Variants in PTPRD observed in about 807,000 individuals in gnomAD.
PTPRD encodes protein tyrosine phosphatase receptor type D.
A neutral mutation model predicts 214.5 loss-of-function variants in PTPRD; 34 were observed. The observed-to-expected ratio is 0.16, with a 90% confidence interval of 0.12 to 0.21. The LOEUF (loss-of-function observed/expected upper bound fraction) is 0.21, where lower values mean the gene tolerates loss of function less well. PTPRD is among the 10% of genes least tolerant of loss of function. PTPRD has a pLI of 1.00. For missense variants in PTPRD, 2,545 were observed against 2,398.7 expected (o/e 1.06, Z -1.27); for synonymous variants, 1,128 against 845.7 (o/e 1.33, Z -5.79).
intron 8 of PTPRD, among the ~76,000 whole-genome samples, chr9:9,440,674 T>C (rs1306629920): frequency 6.6e-6 from 1 of 152,228 alleles, no homozygotes; most frequent in Admixed American, 6.5e-5. Flanking sequence ...CAAAATTCTG[T>C]CTTCAAGAAA....
In PTPRD at chr9:10,011,887, G is replaced by C. The variant is rs542062712; in HGVS notation, c.-472+21831C>G. Among the ~76,000 whole-genome samples the C allele has an allele frequency of 1.6e-4, 25 of 152,074 alleles. 1 individual carries two copies. In the South Asian group the frequency reaches 5.0e-3, roughly 30 times the overall value. On this transcript the variant is annotated intron_variant, in intron 4 of 45. Transcript: ENST00000381196. ...TCAGTTTTGGAGGTAAGGATGCAGA[G>C]ACAGTGGGGATAAACCTTCATAGAG... is the stretch of plus-strand genomic sequence containing the variant.
chr9:8,539,679 A>T (rs1202986685), intron 14 of PTPRD, among the ~76,000 whole-genome samples: 1 of 152,012 alleles, frequency 6.6e-6, no homozygotes, highest in Non-Finnish European at 1.5e-5. Context: ...AAAGAGTCAC[A>T]ACCTAAATAT....
intron 10 of PTPRD, among the ~76,000 whole-genome samples, chr9:9,041,027 C>A (rs324525): frequency 0.98 from 148,744 of 152,214 alleles, 72,779 homozygotes; most frequent in Middle Eastern, 1. Context: ...TGAAAACTTT[C>A]AGATGACAAA....
chr9:9,817,514 A>C (rs2761748), intron 5 of PTPRD, among the ~76,000 whole-genome samples: 86,460 of 151,992 alleles, frequency 0.57, 27,547 homozygotes, highest in East Asian at 0.89. Flanking sequence ...GCCAAATCTA[A>C]AAGAAATATA....
chr9:10,166,316 C>T (rs2099158911), intron 3 of PTPRD, among the ~76,000 whole-genome samples: 1 of 149,638 alleles, frequency 6.7e-6, no homozygotes, highest in South Asian at 2.1e-4. Flanking sequence ...TGTCTAACAT[C>T]CTATCAGCAG....
At chr9:9,253,991 A>C (rs929113038) in intron 9 of PTPRD, among the ~76,000 whole-genome samples, 2 of 152,082 alleles carry the variant, frequency 1.3e-5, no homozygotes, top group African/African-American at 2.4e-5. Context: ...TTCGGTCTTC[A>C]CATTGCCTTC....
chr9:8,784,447 G>A (rs932897148), intron 11 of PTPRD, among the ~76,000 whole-genome samples: 2 of 152,086 alleles, frequency 1.3e-5, no homozygotes, highest in Non-Finnish European at 2.9e-5. Context: ...CAATAACTTG[G>A]TCGGCTTATC....
intron 2 of PTPRD, among the ~76,000 whole-genome samples, chr9:10,514,500 A>ATT (rs1170531300): frequency 6.6e-6 from 1 of 151,572 alleles, no homozygotes; most frequent in Non-Finnish European, 1.5e-5. Flanking sequence ...AGGTGATTTG[A>ATT]TTTTCTCTTA....
intron 11 of PTPRD, among the ~76,000 whole-genome samples, chr9:8,989,724 T>G (rs888865761): frequency 1.3e-5 from 2 of 152,126 alleles, no homozygotes; most frequent in Admixed American, 1.3e-4. Flanking sequence ...GTTCACTCTT[T>G]AAAAAAATTA....
At chr9:10,027,439 C>G (rs1391578513) in intron 4 of PTPRD, among the ~76,000 whole-genome samples, 1 of 152,114 alleles carries the variant, frequency 6.6e-6, no homozygotes, top group Non-Finnish European at 1.5e-5. Context: ...ACATAGGTAC[C>G]TCCTTCCAAC....
intron 9 of PTPRD, among the ~76,000 whole-genome samples, chr9:9,244,069 C>A (rs1479294042): frequency 6.6e-6 from 1 of 152,080 alleles, no homozygotes; most frequent in Non-Finnish European, 1.5e-5. Context: ...CCTAGGAATC[C>A]AATTTGCAAG....
In PTPRD at chr9:9,347,193, TG is replaced by T. The variant is rs148460786; in HGVS notation, c.-203+50255del. ...GAAACAAACATAAGCCTCTTCAAAA[TG>T]TTTGAAAAGATGATTAGATTTTATT... is the stretch of plus-strand genomic sequence containing the variant. On this transcript the variant is annotated intron_variant, in intron 9 of 45. Coordinates refer to ENST00000381196, the MANE Select transcript of PTPRD (RefSeq NM_002839.4). Among the ~76,000 whole-genome samples, 896 of 152,104 alleles carry T rather than the reference TG, an allele frequency of 5.9e-3. 6 individuals carry two copies. Among genetic ancestry groups the T allele is most frequent in the African/African-American group, 0.021 (867 of 41,486 alleles).
chr9:9,310,126 T>C (rs1296874850), intron 9 of PTPRD, among the ~76,000 whole-genome samples: 1 of 152,128 alleles, frequency 6.6e-6, no homozygotes, highest in South Asian at 2.1e-4. Flanking sequence ...TTCCAGACTG[T>C]GTATACTAAG....
intron 8 of PTPRD, among the ~76,000 whole-genome samples, chr9:9,452,316 T>C (rs904064679): frequency 5.9e-5 from 9 of 151,498 alleles, no homozygotes; most frequent in Non-Finnish European, 1.2e-4. Context: ...ATTAAAAATA[T>C]CTTTTAAAAC....
At chr9:10,250,149 T>C (rs1241251762) in intron 3 of PTPRD, among the ~76,000 whole-genome samples, 1 of 152,166 alleles carries the variant, frequency 6.6e-6, no homozygotes, top group Middle Eastern at 3.2e-3. Flanking sequence ...TAGCACAGCA[T>C]AAAGTGAACA....
At chr9:10,180,754 C>T (rs528818417) in intron 3 of PTPRD, among the ~76,000 whole-genome samples, 39 of 151,878 alleles carry the variant, frequency 2.6e-4, no homozygotes, top group Admixed American at 8.5e-4. Context: ...GCAAAGGTGA[C>T]TCAACCTTTG....
intron 30 of PTPRD, among the ~76,000 whole-genome samples, chr9:8,479,332 G>T (rs773710109): frequency 3.3e-5 from 5 of 152,032 alleles, no homozygotes; most frequent in Non-Finnish European, 7.4e-5. Flanking sequence ...TCCTGATTTA[G>T]TCTTTCACTC....
At chr9:9,428,933 T>G (rs1258159982) in intron 8 of PTPRD, among the ~76,000 whole-genome samples, 1 of 152,184 alleles carries the variant, frequency 6.6e-6, no homozygotes, top group African/African-American at 2.4e-5. Context: ...TAGCACTAAA[T>G]GCCCACAAGA....
chr9:9,536,697 C>T (rs1384204224), intron 8 of PTPRD, among the ~76,000 whole-genome samples: 1 of 151,974 alleles, frequency 6.6e-6, no homozygotes, highest in Non-Finnish European at 1.5e-5. Context: ...CAGAAGCCTG[C>T]CAGGGCTCAG....
Sources: allele counts gnomAD v4.1 joint callset (sites outside exome capture counted in the v4.1 genomes callset), GRCh38; gene constraint gnomAD v4.1.1; transcripts MANE v1.5; gene names NCBI Gene and HGNC (gene_info 2026-07-23, HGNC 2026-07-21).